SLC25A19: variants seen among roughly 807,000 people sequenced by gnomAD.
The protein encoded by SLC25A19 is mitochondrial thiamine pyrophosphate carrier.
A neutral mutation model predicts 27.9 loss-of-function variants in SLC25A19; 18 were observed. That is an observed-to-expected ratio of 0.64 (90% CI 0.45 to 0.96). SLC25A19 has a LOEUF of 0.96. Among genes scored for constraint, SLC25A19 ranks in the 40% least tolerant of loss-of-function variants. The probability of loss-of-function intolerance (pLI) is 0.00; values close to 1 mark genes in which losing one functional copy is unlikely to be tolerated. For missense variants in SLC25A19, 371 were observed against 418.3 expected, an observed-to-expected ratio of 0.89 and a Z score of 0.99; for synonymous variants, 169 against 167.1, an observed-to-expected ratio of 1.01 and a Z score of -0.09.
chr17:75,286,524 G>C, intron 3 of SLC25A19, 65 bp from the exon 4 acceptor site: 1 of 1,613,168 alleles, frequency 6.2e-7, no homozygotes, highest in Non-Finnish European at 8.5e-7. Context: ...GGAACTTTCA[G>C]AAAAGGCAAG....
chr17:75,286,926 G>T, intron 2 of SLC25A19, 124 bp from the exon 3 acceptor site: 1 of 971,434 alleles, frequency 1.0e-6, no homozygotes, highest in Non-Finnish European at 1.5e-6. Context: ...TTTGGACTGG[G>T]CGCAGCGGTT....
intron 5 of SLC25A19, among the ~76,000 whole-genome samples, chr17:75,279,972 T>C (rs2145754080): frequency 6.6e-6 from 1 of 152,306 alleles, no homozygotes; most frequent in Middle Eastern, 3.4e-3. Flanking sequence ...AATTTTTTTG[T>C]ATTTTGTAGA....
chr17:75,282,267 T>C (rs938524954), intron 5 of SLC25A19, among the ~76,000 whole-genome samples: 1 of 151,948 alleles, frequency 6.6e-6, no homozygotes, highest in East Asian at 1.9e-4. Flanking sequence ...AATATATATA[T>C]AGGCCAGGTG....
At chr17:75,282,258 A>C (rs551415567) in intron 5 of SLC25A19, among the ~76,000 whole-genome samples, 3 of 151,676 alleles carry the variant, frequency 2.0e-5, no homozygotes, top group Admixed American at 2.0e-4. Context: ...GTCTCAAAAA[A>C]TATATATATA....
intron 5 of SLC25A19, among the ~76,000 whole-genome samples, chr17:75,281,654 G>C (rs149298452): frequency 6.6e-6 from 1 of 152,106 alleles, no homozygotes; most frequent in African/African-American, 2.4e-5. Flanking sequence ...CTGAGATTGC[G>C]CCACTGCACT....
chr17:75,283,556 C>G lies in SLC25A19; in HGVS notation c.326G>C (p.Arg109Thr), dbSNP rs750975664. 1 of 1,613,720 alleles carries G rather than the reference C, an allele frequency of 6.2e-7. No homozygotes were observed. The highest frequency in any genetic ancestry group is 8.5e-7 in the Non-Finnish European group (1 of 1,179,844). The change falls in exon 5 of 8, where the codon AGA becomes ACA. Residue 109 changes from arginine to threonine, a missense_variant. Transcript: ENST00000416858. Reference protein sequence around the residue: ...SFEMLTELVHRGSVYDAREFS... With the variant: ...SFEMLTELVHTGSVYDAREFS... ...TTCCCGGGCGTCATACACGCTGCCT[C>G]TGTGGACCAGCTCCGTCAGCATTTC...
intron 5 of SLC25A19, among the ~76,000 whole-genome samples, chr17:75,281,340 C>T (rs1598187985): frequency 6.6e-6 from 1 of 152,130 alleles, no homozygotes; most frequent in Non-Finnish European, 1.5e-5. Flanking sequence ...CTTGTTTTCA[C>T]TCAGTAAATT....
intron 5 of SLC25A19, among the ~76,000 whole-genome samples, chr17:75,281,183 C>T (rs2078031206): frequency 6.6e-6 from 1 of 151,990 alleles, no homozygotes; most frequent in African/African-American, 2.4e-5. Context: ...GATCAAGACC[C>T]TGTCTCAAAA....
At chr17:75,277,860 C>T (rs1421814315) in intron 6 of SLC25A19, among the ~76,000 whole-genome samples, 2 of 134,746 alleles carry the variant, frequency 1.5e-5, no homozygotes, top group Admixed American at 1.7e-4. Flanking sequence ...AACTGAAGAA[C>T]CTCAACCAAA....
chr17:75,276,891 T>G (rs1274529849), intron 7 of SLC25A19, among the ~76,000 whole-genome samples: 5 of 148,796 alleles, frequency 3.4e-5, no homozygotes, highest in Admixed American at 2.0e-4. Flanking sequence ...CACCGTGTTA[T>G]CCAGGATGGT....
chr17:75,279,620 T>C (rs1324111147), intron 5 of SLC25A19, among the ~76,000 whole-genome samples: 2 of 151,342 alleles, frequency 1.3e-5, no homozygotes, highest in African/African-American at 4.9e-5. Flanking sequence ...GCGATTGTCC[T>C]GCCTCAGACC....
chr17:75,289,406 C>A lies in SLC25A19; in HGVS notation c.-181G>T, dbSNP rs1163428279. 1.3e-5 allele frequency: 2 copies of A among 152,296 alleles called. No homozygotes were observed. The highest frequency in any genetic ancestry group is 2.9e-5 in the Non-Finnish European group (2 of 68,130). The allele number at this position is 152,296 out of a possible 1,614,324, so 9.4% of individuals were successfully genotyped here. A position where few individuals can be genotyped will look rare whatever the true frequency, so the allele number is the denominator to read the frequency against. ...GCGCTCTCCGCTCTCTCTAGCTCCT[C>A]GCGCAGTCTTAACAGCAAAACTCTA... On this transcript the variant is annotated 5_prime_UTR_variant, in exon 1 of 8. Transcript: ENST00000416858.
At chr17:75,278,035 T>C in intron 6 of SLC25A19, 117 bp downstream of exon 6, 1 of 1,110,766 alleles carries the variant, frequency 9.0e-7, no homozygotes, top group Non-Finnish European at 1.4e-6. Flanking sequence ...CAGAGCCAGG[T>C]ACAGAGACCC....
At chr17:75,281,987 C>T (rs1415040056) in intron 5 of SLC25A19, among the ~76,000 whole-genome samples, 1 of 151,862 alleles carries the variant, frequency 6.6e-6, no homozygotes, top group Non-Finnish European at 1.5e-5. Flanking sequence ...AACTCAACCT[C>T]TGCCGAGTGC....
intron 4 of SLC25A19, 87 bp downstream of exon 4, chr17:75,286,217 G>A (rs1455835937): frequency 2.4e-5 from 36 of 1,527,252 alleles, no homozygotes; most frequent in Middle Eastern, 2.2e-4. Context: ...CCTGCCCTGC[G>A]CGGCATTCCT....
At position 75,283,518 on chromosome 17, in the gene SLC25A19, A is replaced by G; in HGVS notation, c.364T>C (p.Phe122Leu). ...VYDAREFSVH[F>L]VCGGLAACMA... ...CAGGCAGCCAGGCCACCACATACAAAGTGCACTGAGAATTCCCGGGCGTCA... is the reference window on the plus strand; with the variant it reads ...CAGGCAGCCAGGCCACCACATACAAGGTGCACTGAGAATTCCCGGGCGTCA... Residue 122 changes from phenylalanine to leucine, a missense_variant, in exon 5 of 8, where the codon TTT (phenylalanine) becomes CTT (leucine). Phe to Leu is a conservative substitution (Grantham distance 22). Coordinates refer to ENST00000416858, the MANE Select transcript of SLC25A19 (RefSeq NM_001126121.2). 1 of 1,613,764 alleles carries G rather than the reference A, an allele frequency of 6.2e-7. No individual in the cohort carries two copies. The highest frequency in any genetic ancestry group is 8.5e-7 in the Non-Finnish European group (1 of 1,179,902).
intron 7 of SLC25A19, chr17:75,273,905 C>G (rs898472985): frequency 7.4e-6 from 3 of 405,930 alleles, no homozygotes; most frequent in East Asian, 5.7e-5. Context: ...GGATTACAGG[C>G]ACACAACACC....
In SLC25A19 at chr17:75,286,787, G is replaced by A; in HGVS notation, c.-23C>T. 6.2e-7 allele frequency: 1 copy of A among 1,613,978 alleles called. No homozygotes were observed. The highest frequency in any genetic ancestry group is 8.5e-7 in the Non-Finnish European group (1 of 1,179,952). On this transcript the variant is annotated 5_prime_UTR_variant, in exon 3 of 8. Transcript: ENST00000416858. ...CATCCCTGCCTCTGGCCCACACAATGTCCATCAGTATCAAGCTAAATGCAA... is the reference window on the plus strand; with the variant it reads ...CATCCCTGCCTCTGGCCCACACAATATCCATCAGTATCAAGCTAAATGCAA...
At chr17:75,281,596 C>G (rs1480433140) in intron 5 of SLC25A19, among the ~76,000 whole-genome samples, 1 of 152,138 alleles carries the variant, frequency 6.6e-6, no homozygotes, top group African/African-American at 2.4e-5. Flanking sequence ...ACTCAGGAGG[C>G]TGAGACAGGA....
Sources: gnomAD v4.1 joint callset for allele counts (sites outside exome capture counted in the v4.1 genomes callset) on GRCh38, gnomAD v4.1.1 for gene constraint, MANE v1.5 for transcripts, NCBI Gene and HGNC (gene_info 2026-07-23, HGNC 2026-07-21) for gene names.